The following TDRD12 variants were observed in gnomAD, a reference collection of about 807,000 sequenced individuals.
TDRD12 encodes the protein putative ATP-dependent RNA helicase TDRD12.
A neutral mutation model predicts 133.5 loss-of-function variants in TDRD12; 158 were observed. The ratio of observed to expected loss-of-function variants is 1.18; its 90% CI spans 1.04 to 1.35. The LOEUF (loss-of-function observed/expected upper bound fraction) is 1.35. Among genes scored for constraint, TDRD12 ranks in the 40% most tolerant of loss-of-function variants. TDRD12 has a pLI of 0.00. For synonymous variants in TDRD12, 460 were observed against 477.9 expected, an observed-to-expected ratio of 0.96 and a Z score of 0.49; for missense variants, 1,443 against 1,321.3, an observed-to-expected ratio of 1.09 and a Z score of -1.43.
intron 13 of TDRD12, among the ~76,000 whole-genome samples, chr19:32,793,436 T>C (rs1378426083): frequency 1.3e-5 from 2 of 152,156 alleles, no homozygotes; most frequent in Admixed American, 6.5e-5. Flanking sequence ...TGAAGGATGA[T>C]ACCAGGATAG....
chr19:32,725,222 C>G (rs1968819612), intron 1 of TDRD12, among the ~76,000 whole-genome samples: 1 of 152,080 alleles, frequency 6.6e-6, no homozygotes, highest in South Asian at 2.1e-4. Flanking sequence ...AATTCAATCC[C>G]ATTTGTCAAT....
At chr19:32,745,317 C>T (rs910357454) in intron 4 of TDRD12, among the ~76,000 whole-genome samples, 1 of 152,214 alleles carries the variant, frequency 6.6e-6, no homozygotes, top group Admixed American at 6.5e-5. Flanking sequence ...CTAGGATGCC[C>T]CCAGGGAAGG....
At chr19:32,803,793 G>C (rs1359812935) in intron 21 of TDRD12, among the ~76,000 whole-genome samples, 1 of 152,152 alleles carries the variant, frequency 6.6e-6, no homozygotes, top group Non-Finnish European at 1.5e-5. Context: ...ATGTTAATAT[G>C]CATTTCCCTA....
In TDRD12 at chr19:32,756,002, A is replaced by G. The variant is rs754053658; in HGVS notation, c.593A>G (p.Asn198Ser). 1.2e-4 allele frequency: 181 copies of G among 1,467,444 alleles called. No homozygotes were observed. The highest frequency in any genetic ancestry group is 5.3e-4 in the Admixed American group (16 of 30,012). The allele number at this position is 1,467,444 out of a possible 1,614,324, so 90.9% of individuals were successfully genotyped here. Residue 198 changes from asparagine (N) to serine (S), a missense_variant, in exon 7 of 28, where the codon AAT becomes AGT. By Grantham distance (46) the Asn-to-Ser change is conservative (BLOSUM62 1). Transcript: ENST00000444215. Reference sequence around the variant, plus strand: ...TTTAAAATTTTACAGGTTTGTGTTAATGATGATCTTGTTGCAAAGAACTAT... The same window carrying G: ...TTTAAAATTTTACAGGTTTGTGTTAGTGATGATCTTGTTGCAAAGAACTAT...
At chr19:32,806,604 A>G (rs1971557947) in intron 21 of TDRD12, among the ~76,000 whole-genome samples, 1 of 152,084 alleles carries the variant, frequency 6.6e-6, no homozygotes, top group South Asian at 2.1e-4. Flanking sequence ...AGCCTCCCAC[A>G]GTGCTGGGAT....
At chr19:32,798,622 T>G (rs1213036000) in intron 16 of TDRD12, among the ~76,000 whole-genome samples, 187 bp downstream of exon 16, 1 of 152,224 alleles carries the variant, frequency 6.6e-6, no homozygotes, top group Non-Finnish European at 1.5e-5. Flanking sequence ...GTGTTAGAAT[T>G]CTTTCTGAAG....
intron 8 of TDRD12, among the ~76,000 whole-genome samples, chr19:32,771,209 C>T (rs986038019): frequency 6.6e-6 from 1 of 152,164 alleles, no homozygotes; most frequent in African/African-American, 2.4e-5. Flanking sequence ...CACACTCTGT[C>T]ACCCAGGCTG....
At position 32,800,190 on chromosome 19, in the gene TDRD12, TA is replaced by T. The variant is rs1052864503; in HGVS notation, c.1790del (p.Asn597IlefsTer25). 9.6e-5 allele frequency: 145 copies of T among 1,510,046 alleles called. No homozygotes were observed. The highest frequency in any genetic ancestry group is 1.7e-4 in the Middle Eastern group (1 of 5,874). The allele number at this position is 1,510,046 out of a possible 1,614,324, so 93.5% of individuals were successfully genotyped here. On this transcript the variant is annotated frameshift_variant, in exon 17 of 28. Coordinates refer to ENST00000444215, the Ensembl canonical transcript of TDRD12. LOFTEE classifies it high-confidence loss of function. Reference sequence around the variant, plus strand: ...AGATGTTTGCTATATTAGATAACTTTAAAAAAAATATTGAAGTTGAAGAAAG... The same window carrying T: ...AGATGTTTGCTATATTAGATAACTTTAAAAAAATATTGAAGTTGAAGAAAG...
At chr19:32,743,037 GTGTT>G in intron 4 of TDRD12, 137 bp downstream of exon 4, 1 of 1,092,686 alleles carries the variant, frequency 9.2e-7, no homozygotes, top group Non-Finnish European at 1.3e-6. Context: ...TTCTGAGTCA[GTGTT>G]TGTCTGACCT....
At chr19:32,770,747 C>T (rs1226429763) in intron 8 of TDRD12, among the ~76,000 whole-genome samples, 1 of 151,992 alleles carries the variant, frequency 6.6e-6, no homozygotes, top group African/African-American at 2.4e-5. Context: ...ATAATTGTGC[C>T]CGTAGAGAAA....
At chr19:32,779,362 C>T (rs1042290684) in intron 11 of TDRD12, among the ~76,000 whole-genome samples, 4 of 152,122 alleles carry the variant, frequency 2.6e-5, no homozygotes, top group South Asian at 2.1e-4. Flanking sequence ...TACCAGTAAG[C>T]GGTTGTATTT....
At chr19:32,804,704 A>AC (rs1971493589) in intron 21 of TDRD12, among the ~76,000 whole-genome samples, 1 of 151,368 alleles carries the variant, frequency 6.6e-6, no homozygotes, top group African/African-American at 2.4e-5. Flanking sequence ...AAAAAAAAAA[A>AC]AAAATTAGCT....
chr19:32,827,365 T>TTCTTTTCTTG, exon 10 of TDRD12: 1 of 448,284 alleles, frequency 2.2e-6, no homozygotes, highest in African/African-American at 3.8e-5. Flanking sequence ...TCTTTTTCTT[T>TTCTTTTCTTG]TCTTTTCTTT....
rs192351701 is a variant in TDRD12, at chr19:32,726,101, G to C, written c.25-5624G>C. On this transcript the variant is annotated intron_variant, in intron 1 of 27. Transcript: ENST00000444215. ...ATTCATAATTTTTTTTTTTTTTTGA[G>C]ACGGAGTCTTGCTCTGTCGCCCAGG... is the stretch of plus-strand genomic sequence containing the variant. Among the ~76,000 whole-genome samples the C allele has an allele frequency of 2.7e-3, 401 of 147,116 alleles. 2 individuals carry two copies. The highest frequency in any genetic ancestry group is 3.0e-3 in the Non-Finnish European group (201 of 67,184).
intron 25 of TDRD12, among the ~76,000 whole-genome samples, chr19:32,815,031 G>A (rs1967127326): frequency 6.6e-6 from 1 of 152,242 alleles, no homozygotes; most frequent in Admixed American, 6.5e-5. Context: ...AAATGGCCCA[G>A]AACAGGATTC....
downstream of TDRD12, among the ~76,000 whole-genome samples, chr19:32,822,467 G>T (rs944597882): frequency 2.0e-5 from 3 of 152,180 alleles, no homozygotes; most frequent in South Asian, 2.1e-4. Context: ...GATAAACGGG[G>T]CTGGGTGCGG....
intron 21 of TDRD12, among the ~76,000 whole-genome samples, chr19:32,806,227 C>T (rs566623043): frequency 6.6e-5 from 10 of 152,068 alleles, no homozygotes; most frequent in Admixed American, 3.9e-4. Flanking sequence ...GTGCCTGATA[C>T]GTAGCTGCTG....
intron 11 of TDRD12, 27 bp from the exon 12 acceptor site, chr19:32,790,504 C>T (rs1415646021): frequency 6.5e-7 from 1 of 1,544,276 alleles, no homozygotes; most frequent in Non-Finnish European, 8.7e-7. Flanking sequence ...CCTTTTTCTT[C>T]ACATTCTTCT....
intron 11 of TDRD12, among the ~76,000 whole-genome samples, chr19:32,779,166 C>T (rs527319198): frequency 6.1e-4 from 93 of 152,238 alleles, no homozygotes; most frequent in African/African-American, 2.0e-3. Context: ...GTCAGAGACC[C>T]GCATTGCCGC....
Sources: gnomAD v4.1 joint callset for allele counts (sites outside exome capture counted in the v4.1 genomes callset) on GRCh38, gnomAD v4.1.1 for gene constraint, MANE v1.5 for transcripts, NCBI Gene and HGNC (gene_info 2026-07-23, HGNC 2026-07-21) for gene names.